CCDC148: variants seen among roughly 807,000 people sequenced by gnomAD.
The protein encoded by CCDC148 is coiled-coil domain-containing protein 148.
CCDC148 carries 89 observed loss-of-function variants against 85.7 expected under a neutral mutation model. The ratio of observed to expected loss-of-function variants is 1.04; its 90% CI spans 0.87 to 1.24. The LOEUF is 1.24. Ranked by LOEUF, CCDC148 falls within the 50% of genes most tolerant of loss-of-function variation. The probability of loss-of-function intolerance (pLI) is 0.00; values close to 1 mark genes in which losing one functional copy is unlikely to be tolerated. For synonymous variants in CCDC148, 230 were observed against 213.9 expected, an observed-to-expected ratio of 1.08 and a Z score of -0.66; for missense variants, 692 against 671.7, an observed-to-expected ratio of 1.03 and a Z score of -0.33.
chr2:158,237,549 C>T (rs1209220767), intron 10 of CCDC148, among the ~76,000 whole-genome samples: 3 of 152,072 alleles, frequency 2.0e-5, no homozygotes, highest in African/African-American at 4.8e-5. Flanking sequence ...CCAAGCCTTT[C>T]GGCCTGAGTG....
intron 10 of CCDC148, among the ~76,000 whole-genome samples, chr2:158,247,709 A>G (rs2095443770): frequency 6.6e-6 from 1 of 152,024 alleles, no homozygotes; most frequent in South Asian, 2.1e-4. Context: ...TACAAAAATT[A>G]GCCAGGTATA....
chr2:158,262,793 C>G (rs1031079982), intron 9 of CCDC148, among the ~76,000 whole-genome samples: 2 of 152,040 alleles, frequency 1.3e-5, no homozygotes, highest in Non-Finnish European at 2.9e-5. Flanking sequence ...CCAGGTCCCT[C>G]CCTTGAAACG....
chr2:158,350,471 A>C (rs1454382508), intron 2 of CCDC148, among the ~76,000 whole-genome samples: 1 of 152,202 alleles, frequency 6.6e-6, no homozygotes, highest in Non-Finnish European at 1.5e-5. Context: ...ATCTTTATTA[A>C]AACAATACCT....
chr2:158,321,165 T>C (rs566301725), intron 7 of CCDC148, among the ~76,000 whole-genome samples: 17 of 152,200 alleles, frequency 1.1e-4, no homozygotes, highest in Non-Finnish European at 2.2e-4. Context: ...ATGTGGTTTT[T>C]GGTGTTTAAA....
intron 1 of CCDC148, among the ~76,000 whole-genome samples, chr2:158,405,206 C>G (rs1306353427): frequency 6.6e-6 from 1 of 152,072 alleles, no homozygotes; most frequent in Non-Finnish European, 1.5e-5. Context: ...AAGACTTCTC[C>G]TTGTATACAT....
Position 158,276,554 on chromosome 2 carries a change from T to TCAAAACAAAACAAAACAAAA in CCDC148, c.1111-25662_1111-25643dup, listed in dbSNP as rs58603462. Among the ~76,000 whole-genome samples, 60 of 149,976 alleles carry TCAAAACAAAACAAAACAAAA rather than the reference T, an allele frequency of 4.0e-4. 1 individual carries two copies. Among genetic ancestry groups the TCAAAACAAAACAAAACAAAA allele is most frequent in the Middle Eastern group, 3.4e-3 (1 of 290 alleles). On this transcript the variant is annotated intron_variant, in intron 9 of 13. Transcript: ENST00000283233. ...CTGGGTGACAGAGTGAGACTCAGTC[T>TCAAAACAAAACAAAACAAAA]CAAAACAAAACAAAACAAAACAAAA...
At chr2:158,441,431 A>G (rs1051571463) in intron 1 of CCDC148, among the ~76,000 whole-genome samples, 2 of 152,240 alleles carry the variant, frequency 1.3e-5, no homozygotes, top group Admixed American at 6.5e-5. Flanking sequence ...AAAGTAAATC[A>G]GAAATATCTA....
Position 158,340,626 on chromosome 2 carries a change from A to G in CCDC148, c.306T>C (p.Asn102=). 6.3e-7 allele frequency: 1 copy of G among 1,590,994 alleles called. No individual in the cohort carries two copies. The highest frequency in any genetic ancestry group is 8.6e-7 in the Non-Finnish European group (1 of 1,166,666). The change falls in exon 4 of 14, where the codon AAT becomes AAC. Residue 102 remains asparagine (N), a synonymous_variant. Transcript: ENST00000283233. ...KSLLNEENIG[N]ECLCDLTNFE... The stretch of plus-strand genomic sequence containing the variant: ...AATTTGTAAGGTCACAAAGACATTC[A>G]TTTCCAATGTTCTCTTCATTGAGAA...
chr2:158,314,962 G>A (rs982054264), intron 7 of CCDC148, among the ~76,000 whole-genome samples: 2 of 152,164 alleles, frequency 1.3e-5, no homozygotes, highest in Middle Eastern at 3.4e-3. Flanking sequence ...GAATTCCAAT[G>A]TTCTCATACA....
At chr2:158,190,672 G>T (rs1048840027) in intron 11 of CCDC148, among the ~76,000 whole-genome samples, 1 of 151,988 alleles carries the variant, frequency 6.6e-6, no homozygotes, top group Non-Finnish European at 1.5e-5. Context: ...ATCTTCATGA[G>T]GCCATATAAT....
At chr2:158,200,252 C>G (rs181312607) in intron 11 of CCDC148, among the ~76,000 whole-genome samples, 10 of 152,286 alleles carry the variant, frequency 6.6e-5, no homozygotes, top group Admixed American at 2.0e-4. Context: ...TTTTCTGAAG[C>G]ACTTAAGGAA....
rs1217069332 is a variant in CCDC148 at position 158,344,501 on chromosome 2, C to T, written c.251+714G>A. 2.6e-5 allele frequency among the ~76,000 whole-genome samples: 4 copies of T among 152,124 alleles called. 1 individual carries two copies. The South Asian group carries it at 8.3e-4, about 32-fold the overall frequency. On this transcript the variant is annotated intron_variant, in intron 3 of 13. Transcript: ENST00000283233. ...GATATAAAATAAATGCTTTAAAATGCACATTTTAGAAGCACACTTTATAAA... is the reference window on the plus strand; with the variant it reads ...GATATAAAATAAATGCTTTAAAATGTACATTTTAGAAGCACACTTTATAAA...
chr2:158,451,926 C>G (rs1167865975), intron 1 of CCDC148, among the ~76,000 whole-genome samples: 1 of 151,840 alleles, frequency 6.6e-6, no homozygotes, highest in Non-Finnish European at 1.5e-5. Context: ...TAAAGGCAAA[C>G]AAGGAAAAGA....
chr2:158,325,909 A>G (rs143931334), intron 7 of CCDC148, among the ~76,000 whole-genome samples: 4 of 152,252 alleles, frequency 2.6e-5, no homozygotes, highest in African/African-American at 9.6e-5. Context: ...CTAAGTGTCC[A>G]ATATCTTCTT....
chr2:158,242,249 T>A (rs918167757), intron 10 of CCDC148, among the ~76,000 whole-genome samples: 4 of 152,172 alleles, frequency 2.6e-5, no homozygotes, highest in Non-Finnish European at 5.9e-5. Flanking sequence ...ATTATTATTA[T>A]CTTTATCTCG....
chr2:158,415,626 T>C (rs530005502), intron 1 of CCDC148, among the ~76,000 whole-genome samples: 1 of 152,310 alleles, frequency 6.6e-6, no homozygotes, highest in Non-Finnish European at 1.5e-5. Flanking sequence ...TATGAGCCTG[T>C]AAAATCTAAA....
chr2:158,424,730 G>T, intron 1 of CCDC148: 1 of 212,276 alleles, frequency 4.7e-6, no homozygotes, highest in South Asian at 7.8e-5. Flanking sequence ...AAAAAAAAGG[G>T]AAAGAATCCC....
chr2:158,251,212 A>AT (rs1330559406), intron 9 of CCDC148, among the ~76,000 whole-genome samples: 1 of 151,854 alleles, frequency 6.6e-6, no homozygotes, highest in African/African-American at 2.4e-5. Flanking sequence ...AATAGTAAGT[A>AT]AAAATTTCTG....
chr2:158,350,594 T>C lies in CCDC148; in HGVS notation c.148-5276A>G, dbSNP rs143971074. 3.0e-4 allele frequency among the ~76,000 whole-genome samples: 46 copies of C among 152,288 alleles called. No individual in the cohort carries two copies. The Middle Eastern group carries it at 0.014, about 45-fold the overall frequency. ...TATGAGAGTAGAGGATTCTAAAACA[T>C]GAAAAGTATCTATGCTTGAAGTAGC... On this transcript the variant is annotated intron_variant, in intron 2 of 13. Transcript: ENST00000283233.
Sources: gnomAD v4.1 joint callset for allele counts (sites outside exome capture counted in the v4.1 genomes callset) on GRCh38, gnomAD v4.1.1 for gene constraint, MANE v1.5 for transcripts, NCBI Gene and HGNC (gene_info 2026-07-23, HGNC 2026-07-21) for gene names.